Variants in GPR26 observed in about 807,000 individuals in gnomAD.
GPR26 encodes G protein-coupled receptor 26.
GPR26 carries 15 observed loss-of-function variants against 23.1 expected under a neutral mutation model. That is an observed-to-expected ratio of 0.65 (90% CI 0.43 to 1.00). The LOEUF is 1.00. Ranked by LOEUF, GPR26 falls within the 50% of genes least tolerant of loss-of-function variation. GPR26 has a pLI of 0.00. For synonymous variants in GPR26, 228 were observed against 222.1 expected (o/e 1.03, Z -0.24); for missense variants, 359 against 470.5 (o/e 0.76, Z 2.19).
intron 2 of GPR26, among the ~76,000 whole-genome samples, chr10:123,681,982 A>G (rs902299954): frequency 5.9e-5 from 9 of 152,198 alleles, no homozygotes; most frequent in Admixed American, 5.9e-4. Context: ...GGAGTGACTG[A>G]GCCAAGAGTT....
In GPR26 at chr10:123,688,090, G is replaced by A; in HGVS notation, c.944G>A (p.Arg315Lys). Reference sequence around the variant, plus strand: ...GAGATTCTGAACAGGCTCCTGCACAGACGCTCCATCCACTCCTCTGGCCTC... The same window carrying A: ...GAGATTCTGAACAGGCTCCTGCACAAACGCTCCATCCACTCCTCTGGCCTC... ...CKEILNRLLH[R>K]RSIHSSGLTG... Residue 315 changes from arginine (R) to lysine (K), a missense_variant, in exon 3 of 3, where the codon AGA becomes AAA. By Grantham distance (26) the Arg-to-Lys change is conservative (BLOSUM62 2). Coordinates refer to ENST00000284674, the MANE Select transcript of GPR26 (RefSeq NM_153442.4). 2 of 1,613,962 alleles carry A rather than the reference G, an allele frequency of 1.2e-6. No homozygotes were observed. Among genetic ancestry groups the A allele is most frequent in the Middle Eastern group, 3.3e-4 (2 of 6,062 alleles).
chr10:123,680,597 T>C (rs1219474066), intron 2 of GPR26, among the ~76,000 whole-genome samples: 6 of 152,124 alleles, frequency 3.9e-5, no homozygotes, highest in Non-Finnish European at 7.4e-5. Flanking sequence ...CTCCTCACTG[T>C]CCATAGAAAT....
rs1321301215 is a variant in GPR26 at position 123,696,259 on chromosome 10, T to C, written c.*8099T>C. 1.3e-5 allele frequency among the ~76,000 whole-genome samples: 2 copies of C among 152,300 alleles called. No individual in the cohort carries two copies. Among genetic ancestry groups the C allele is most frequent in the African/African-American group, 4.8e-5 (2 of 41,572 alleles). On this transcript the variant is annotated 3_prime_UTR_variant, in exon 3 of 3. Coordinates refer to ENST00000284674, the MANE Select transcript of GPR26 (RefSeq NM_153442.4). The stretch of plus-strand genomic sequence containing the variant: ...CACGGAGGCTTTACTCTGCCCAGTG[T>C]CCAATGGGAGAACCATCCCTTCCCT...
At chr10:123,669,679 G>T (rs1221294574) in intron 1 of GPR26, among the ~76,000 whole-genome samples, 2 of 152,172 alleles carry the variant, frequency 1.3e-5, no homozygotes, top group African/African-American at 2.4e-5. Flanking sequence ...ATTTGTCTTT[G>T]TCAGGAAGCT....
rs547938055 is a variant in GPR26 at position 123,679,261 on chromosome 10, T to C, written c.782+4330T>C. 2.0e-5 allele frequency among the ~76,000 whole-genome samples: 3 copies of C among 152,290 alleles called. No homozygotes were observed. In the South Asian group the frequency reaches 6.2e-4, roughly 32 times the overall value. Reference sequence around the variant, plus strand: ...CAGGGAGGGTGAGCTGGTTGCACCATGCAGACCAACTTTAACCCACTGCTG... The same window carrying C: ...CAGGGAGGGTGAGCTGGTTGCACCACGCAGACCAACTTTAACCCACTGCTG... On this transcript the variant is annotated intron_variant, in intron 2 of 2. Coordinates refer to ENST00000284674, the MANE Select transcript of GPR26 (RefSeq NM_153442.4).
intron 1 of GPR26, among the ~76,000 whole-genome samples, chr10:123,670,079 C>G (rs1009839226): frequency 1.3e-5 from 2 of 152,140 alleles, no homozygotes; most frequent in African/African-American, 4.8e-5. Flanking sequence ...AGTGATTCAA[C>G]AGAAACAGAA....
chr10:123,667,692 T>C (rs1223725573), intron 1 of GPR26, among the ~76,000 whole-genome samples: 1 of 151,914 alleles, frequency 6.6e-6, no homozygotes, highest in Non-Finnish European at 1.5e-5. Context: ...GAGAGCACTG[T>C]CCAATGTCTG....
At position 123,692,134 on chromosome 10, in the gene GPR26, A is replaced by T. The variant is rs1244929537; in HGVS notation, c.*3974A>T. ...TTTTATGGGGCTCCAGGTCATAAGG[A>T]TGAGATATATTTGGGGTACTGGCAG... is the stretch of plus-strand genomic sequence containing the variant. On this transcript the variant is annotated 3_prime_UTR_variant, in exon 3 of 3. Transcript: ENST00000284674. The T allele has an allele frequency of 6.6e-6, 1 of 152,182 alleles. No individual in the cohort carries two copies. The highest frequency in any genetic ancestry group is 1.9e-4 in the East Asian group (1 of 5,194). The allele number at this position is 152,182 out of a possible 1,614,324, so 9.4% of individuals were successfully genotyped here.
chr10:123,667,494 G>C (rs1845200696), intron 1 of GPR26, among the ~76,000 whole-genome samples: 1 of 151,938 alleles, frequency 6.6e-6, no homozygotes, highest in Admixed American at 6.6e-5. Flanking sequence ...GAGCTTTTCA[G>C]ACCCAAGTGT....
rs1015653550 is a variant in GPR26, at chr10:123,689,113, A to AT, written c.*958dup. ...TGGGCAAGAACTGGCCTGAGCAGGG[A>AT]TTTTTGCCTTGATTTTAAGTCACTG... On this transcript the variant is annotated 3_prime_UTR_variant, in exon 3 of 3. Coordinates refer to ENST00000284674, the MANE Select transcript of GPR26 (RefSeq NM_153442.4). 6.6e-6 allele frequency: 1 copy of AT among 152,086 alleles called. No individual in the cohort carries two copies. The highest frequency in any genetic ancestry group is 6.5e-5 in the Admixed American group (1 of 15,268). The allele number at this position is 152,086 out of a possible 1,614,324, so 9.4% of individuals were successfully genotyped here. A position where few individuals can be genotyped will look rare whatever the true frequency, so the allele number is the denominator to read the frequency against.
intron 2 of GPR26, among the ~76,000 whole-genome samples, chr10:123,675,833 C>CATGTGT (rs71281364): frequency 7.5e-6 from 1 of 134,096 alleles, no homozygotes; most frequent in African/African-American, 2.8e-5. Flanking sequence ...TGTGTGTGTA[C>CATGTGT]GTGTGTGTGT....
Position 123,695,701 on chromosome 10 carries a change from G to A in GPR26, c.*7541G>A, listed in dbSNP as rs893629436. Among the ~76,000 whole-genome samples, 7 of 152,126 alleles carry A rather than the reference G, an allele frequency of 4.6e-5. No homozygotes were observed. The highest frequency in any genetic ancestry group is 8.8e-5 in the Non-Finnish European group (6 of 68,046). The stretch of plus-strand genomic sequence containing the variant: ...GCACCAAAAGACTCAGCTTGACATT[G>A]CTTTGCACTCAACTCATGTATTACC... On this transcript the variant is annotated 3_prime_UTR_variant, in exon 3 of 3. Coordinates refer to ENST00000284674, the MANE Select transcript of GPR26 (RefSeq NM_153442.4).
intron 1 of GPR26, among the ~76,000 whole-genome samples, chr10:123,669,449 G>C (rs184639806): frequency 6.6e-6 from 1 of 152,332 alleles, no homozygotes; most frequent in African/African-American, 2.4e-5. Context: ...GGCTGCCCCA[G>C]GCACCACCAG....
At chr10:123,669,313 G>A (rs1845224714) in intron 1 of GPR26, among the ~76,000 whole-genome samples, 3 of 152,234 alleles carry the variant, frequency 2.0e-5, no homozygotes, top group Admixed American at 1.3e-4. Context: ...CCAAGCATGT[G>A]GGAGGGACAA....
At position 123,694,395 on chromosome 10, in the gene GPR26, A is replaced by C. The variant is rs1241650505; in HGVS notation, c.*6235A>C. ...GCAAGTGCCCCTTGAGATGGGCTGA[A>C]CGTGATGATGATCTGTGGCCAGTGG... On this transcript the variant is annotated 3_prime_UTR_variant, in exon 3 of 3. Transcript: ENST00000284674. 6.6e-6 allele frequency: 1 copy of C among 152,620 alleles called. No homozygotes were observed. Among genetic ancestry groups the C allele is most frequent in the Non-Finnish European group, 1.5e-5 (1 of 68,290 alleles). 9.5% of individuals were successfully genotyped at this position (152,620 alleles called of 1,614,324 possible). A position where few individuals can be genotyped will look rare whatever the true frequency, so the allele number is the denominator to read the frequency against.
Position 123,690,687 on chromosome 10 carries a change from T to G in GPR26, c.*2527T>G, listed in dbSNP as rs1358701186. 1 of 152,240 alleles carries G rather than the reference T, an allele frequency of 6.6e-6. No individual in the cohort carries two copies. The highest frequency in any genetic ancestry group is 2.4e-5 in the African/African-American group (1 of 41,464). 9.4% of individuals were successfully genotyped at this position (152,240 alleles called of 1,614,324 possible). A position where few individuals can be genotyped will look rare whatever the true frequency, so the allele number is the denominator to read the frequency against. On this transcript the variant is annotated 3_prime_UTR_variant, in exon 3 of 3. Coordinates refer to ENST00000284674, the MANE Select transcript of GPR26 (RefSeq NM_153442.4). ...TCCCAAGGGAAAGTGAGAAGAAAAT[T>G]AATGTATTAGCAACCAGTGTTAGCC...
chr10:123,677,320 C>G (rs2133926039), intron 2 of GPR26, among the ~76,000 whole-genome samples: 1 of 152,276 alleles, frequency 6.6e-6, no homozygotes, highest in South Asian at 2.1e-4. Context: ...AAAACATTCA[C>G]AGAACAGTTC....
chr10:123,674,788 A>G lies in GPR26; in HGVS notation c.669-30A>G. 6.8e-7 allele frequency: 1 copy of G among 1,469,896 alleles called. No homozygotes were observed. The highest frequency in any genetic ancestry group is 9.5e-7 in the Non-Finnish European group (1 of 1,051,006). The allele number at this position is 1,469,896 out of a possible 1,614,324, so 91.1% of individuals were successfully genotyped here. On this transcript the variant is annotated intron_variant, in intron 1 of 2. Transcript: ENST00000284674. This position sits in a 1 kb window ranked among gnomAD's most constrained non-coding sequence, Gnocchi z 4.1. ...TCCTGACCTAGCAAGGGTGCCTCGT[A>G]GTTCACCTTCTCTCCTCTCTCACAT...
At position 123,667,561 on chromosome 10, in the gene GPR26, C is replaced by CTGTGTGTGTGTG. The variant is rs71026066; in HGVS notation, c.668+515_668+526dup. Among the ~76,000 whole-genome samples the CTGTGTGTGTGTG allele has an allele frequency of 1.9e-3, 242 of 125,070 alleles. 4 individuals carry two copies. The highest frequency in any genetic ancestry group is 0.016 in the East Asian group (64 of 4,024). The allele number at this position is 125,070 out of a possible 152,430, so 82.1% of individuals were successfully genotyped here. ...GTGTGGCGCTGCCTCTGTCTCACGA[C>CTGTGTGTGTGTG]TGTGTGTGTGTGTGTGTGTGTGTGT... On this transcript the variant is annotated intron_variant, in intron 1 of 2. Coordinates refer to ENST00000284674, the MANE Select transcript of GPR26 (RefSeq NM_153442.4).
Sources: allele counts gnomAD v4.1 joint callset (sites outside exome capture counted in the v4.1 genomes callset), GRCh38; gene constraint gnomAD v4.1.1; non-coding constraint Gnocchi (gnomAD v3.1); transcripts MANE v1.5; gene names NCBI Gene and HGNC (gene_info 2026-07-23, HGNC 2026-07-21).